CCDC144A: variants seen among roughly 807,000 people sequenced by gnomAD.
The protein encoded by CCDC144A is coiled-coil domain containing 144A, also known as coiled-coil domain-containing protein 144A.
Under a neutral mutation model 143.8 loss-of-function variants are expected in CCDC144A, and 41 were observed. The ratio of observed to expected loss-of-function variants is 0.29; its 90% CI spans 0.22 to 0.37. The LOEUF is 0.37. CCDC144A is among the 10% of genes least tolerant of loss of function. The probability of loss-of-function intolerance (pLI) is 1.00; values close to 1 mark genes in which losing one functional copy is unlikely to be tolerated. For missense variants in CCDC144A, 637 were observed against 1,488.8 expected (o/e 0.43, Z 9.41); for synonymous variants, 242 against 517.9 (o/e 0.47, Z 7.23).
chr17:16,745,833 G>T, intron 12 of CCDC144A: 1 of 1,604,904 alleles, frequency 6.2e-7, no homozygotes, highest in East Asian at 2.2e-5. Flanking sequence ...TCTCTCCATG[G>T]CCTCCCCCGG....
chr17:16,679,418 G>A, the CCDC144A span, among the ~76,000 whole-genome samples: 1 of 151,928 alleles, frequency 6.6e-6, no homozygotes, highest in Non-Finnish European at 1.5e-5. Flanking sequence ...TAAAGGCACA[G>A]GGTATATCAA....
chr17:16,717,189 T>A lies in CCDC144A; in HGVS notation c.1716-3009T>A, dbSNP rs371324821. The stretch of plus-strand genomic sequence containing the variant: ...TGGAGTGCAGTGGCAATCTCAGCTC[T>A]CTGCAACCTCCAGCTCCTGGGTTCA... On this transcript the variant is annotated intron_variant, in intron 6 of 16. Transcript: ENST00000399273. 7.4e-5 allele frequency among the ~76,000 whole-genome samples: 11 copies of A among 148,868 alleles called. No homozygotes were observed. The South Asian group carries it at 2.4e-3, about 32-fold the overall frequency.
intron 12 of CCDC144A, 134 bp from the exon 13 acceptor site, chr17:16,761,291 G>T (rs1462832978): frequency 2.9e-6 from 4 of 1,393,388 alleles, no homozygotes; most frequent in Non-Finnish European, 2.8e-6. Flanking sequence ...CCGAGATCCT[G>T]TCACTGTACT....
Position 16,752,634 on chromosome 17 carries a change from C to T in CCDC144A, c.3373-8791C>T, listed in dbSNP as rs1213257116. ...GGGGGCTGAACTGCTCCCAGGCCTCCGGCAAAGCACTCAGATGGGGCAGTG... is the reference window on the plus strand; with the variant it reads ...GGGGGCTGAACTGCTCCCAGGCCTCTGGCAAAGCACTCAGATGGGGCAGTG... On this transcript the variant is annotated intron_variant, in intron 12 of 16. Transcript: ENST00000399273. 9.4e-5 allele frequency among the ~76,000 whole-genome samples: 12 copies of T among 127,070 alleles called. No individual in the cohort carries two copies. The East Asian group carries it at 1.8e-3, about 19-fold the overall frequency. 83.4% of individuals were successfully genotyped at this position (127,070 alleles called of 152,430 possible).
rs2143429171 is a variant in CCDC144A, at chr17:16,775,941, G to C, written c.*2308G>C. On this transcript the variant is annotated 3_prime_UTR_variant, in exon 17 of 17. Transcript: ENST00000399273. Reference sequence around the variant, plus strand: ...TGCATATGGCTAGCCAGTTCTCCCAGCACCATTTATTAAATAGGGAATCTT... The same window carrying C: ...TGCATATGGCTAGCCAGTTCTCCCACCACCATTTATTAAATAGGGAATCTT... 1 of 152,324 alleles carries C rather than the reference G, an allele frequency of 6.6e-6. No homozygotes were observed. Among genetic ancestry groups the C allele is most frequent in the East Asian group, 1.9e-4 (1 of 5,184 alleles). 9.4% of individuals were successfully genotyped at this position (152,324 alleles called of 1,614,324 possible). A position where few individuals can be genotyped will look rare whatever the true frequency, so the allele number is the denominator to read the frequency against.
At chr17:16,748,864 G>A (rs959395640) in intron 12 of CCDC144A, among the ~76,000 whole-genome samples, 3 of 152,100 alleles carry the variant, frequency 2.0e-5, no homozygotes, top group African/African-American at 7.2e-5. Flanking sequence ...TAGTTTGTGT[G>A]TATACAGTGG....
intron 2 of CCDC144A, among the ~76,000 whole-genome samples, chr17:16,701,242 A>AT (rs1911714736): frequency 2.0e-5 from 3 of 151,616 alleles, no homozygotes; most frequent in African/African-American, 7.3e-5. Context: ...AGGTACAGAG[A>AT]TTTTCCATAT....
chr17:16,718,423 G>C (rs1436513010), intron 6 of CCDC144A, among the ~76,000 whole-genome samples: 6 of 152,312 alleles, frequency 3.9e-5, no homozygotes, highest in African/African-American at 1.4e-4. Context: ...GTATGTCTAA[G>C]TGTTTGAAAG....
chr17:16,690,408 C>T lies in CCDC144A; in HGVS notation c.8C>T (p.Ser3Phe), dbSNP rs1910977970. The part of the protein sequence containing the change: MA[S>F]WGGEKRGGAE... Reference sequence around the variant, plus strand: ...GGCAGTAGCTCGCTACTGATGGCCTCCTGGGGTGGAGAAAAGCGGGGAGGG... The same window carrying T: ...GGCAGTAGCTCGCTACTGATGGCCTTCTGGGGTGGAGAAAAGCGGGGAGGG... The change falls in exon 1 of 17, where the codon TCC becomes TTC. Residue 3 changes from serine to phenylalanine, a missense_variant. Transcript: ENST00000399273. 3 of 1,569,994 alleles carry T rather than the reference C, an allele frequency of 1.9e-6. No homozygotes were observed. Among genetic ancestry groups the T allele is most frequent in the East Asian group, 4.5e-5 (2 of 44,326 alleles).
At chr17:16,686,516 C>T (rs987072621), upstream of CCDC144A, among the ~76,000 whole-genome samples, 6 of 151,916 alleles carry the variant, frequency 3.9e-5, no homozygotes, top group African/African-American at 1.5e-4. Context: ...CCTAGAAGTA[C>T]ACATGGTGGT....
chr17:16,729,801 C>A (rs1408088460), intron 9 of CCDC144A, among the ~76,000 whole-genome samples: 1 of 150,144 alleles, frequency 6.7e-6, no homozygotes, highest in Non-Finnish European at 1.5e-5. Context: ...GATTCTCCTA[C>A]CTTGGCCTCC....
At position 16,775,966 on chromosome 17, in the gene CCDC144A, T is replaced by G. The variant is rs1236738577; in HGVS notation, c.*2333T>G. 6.6e-6 allele frequency: 1 copy of G among 152,260 alleles called. No individual in the cohort carries two copies. The highest frequency in any genetic ancestry group is 6.5e-5 in the Admixed American group (1 of 15,288). The allele number at this position is 152,260 out of a possible 1,614,324, so 9.4% of individuals were successfully genotyped here. A position where few individuals can be genotyped will look rare whatever the true frequency, so the allele number is the denominator to read the frequency against. ...GCACCATTTATTAAATAGGGAATCTTTTCCCCATTGCTTCCTTTTGTCAGG... is the reference window on the plus strand; with the variant it reads ...GCACCATTTATTAAATAGGGAATCTGTTCCCCATTGCTTCCTTTTGTCAGG... On this transcript the variant is annotated 3_prime_UTR_variant, in exon 17 of 17. Transcript: ENST00000399273.
At chr17:16,768,329 TA>T (rs1443102134) in intron 15 of CCDC144A, among the ~76,000 whole-genome samples, 1 of 152,230 alleles carries the variant, frequency 6.6e-6, no homozygotes, top group Non-Finnish European at 1.5e-5. Context: ...CAGGTCCTAT[TA>T]AGAATTCCTT....
intron 15 of CCDC144A, among the ~76,000 whole-genome samples, chr17:16,769,596 T>A (rs1280984925): frequency 3.9e-5 from 6 of 152,204 alleles, no homozygotes; most frequent in Non-Finnish European, 8.8e-5. Flanking sequence ...TTTCTTAATT[T>A]CTGCTTGCTT....
chr17:16,754,492 T>C (rs550763639), intron 12 of CCDC144A, among the ~76,000 whole-genome samples: 2 of 152,392 alleles, frequency 1.3e-5, no homozygotes, highest in South Asian at 4.1e-4. Flanking sequence ...AAATTTTTTT[T>C]CTTAATTTAT....
At chr17:16,670,396 TC>T in the CCDC144A span, among the ~76,000 whole-genome samples, 1 of 149,000 alleles carries the variant, frequency 6.7e-6, no homozygotes. Context: ...CAAGTCATTC[TC>T]CTGCCTCAGC....
At chr17:16,712,397 TC>T (rs1855451631) in intron 6 of CCDC144A, among the ~76,000 whole-genome samples, 1 of 152,094 alleles carries the variant, frequency 6.6e-6, no homozygotes, top group African/African-American at 2.4e-5. Flanking sequence ...AATTGATGAA[TC>T]CTTTTTGTAG....
At chr17:16,685,937 ATTTTTTT>A (rs35158544), upstream of CCDC144A, among the ~76,000 whole-genome samples, 3 of 124,200 alleles carry the variant, frequency 2.4e-5, no homozygotes, top group South Asian at 7.9e-4. Flanking sequence ...ACATCTGGCT[ATTTTTTT>A]TTTTTTTTTG....
At chr17:16,768,388 C>A (rs1235059189) in intron 15 of CCDC144A, among the ~76,000 whole-genome samples, 2 of 152,158 alleles carry the variant, frequency 1.3e-5, no homozygotes, top group Admixed American at 6.5e-5. Flanking sequence ...AGGCAAGATT[C>A]TTGGTGGGCT....
Sources: allele counts gnomAD v4.1 joint callset (sites outside exome capture counted in the v4.1 genomes callset), GRCh38; gene constraint gnomAD v4.1.1; transcripts MANE v1.5; gene names NCBI Gene and HGNC (gene_info 2026-07-23, HGNC 2026-07-21).